NALF1: variants seen among roughly 807,000 people sequenced by gnomAD.
NALF1 encodes family with sequence similarity 155 member A.
In NALF1, 3 loss-of-function variants were observed where a neutral mutation model predicts 48.4. The ratio of observed to expected loss-of-function variants is 0.06; its 90% CI spans 0.03 to 0.16. The LOEUF (loss-of-function observed/expected upper bound fraction) is 0.16. NALF1 is among the 10% of genes least tolerant of loss of function. NALF1 has a pLI of 1.00. For missense variants in NALF1, 526 were observed against 571.5 expected (o/e 0.92, Z 0.81); for synonymous variants, 262 against 245.7 (o/e 1.07, Z -0.62).
At chr13:107,171,157 G>A (rs528519508) in intron 2 of NALF1, among the ~76,000 whole-genome samples, 78 of 152,268 alleles carry the variant, frequency 5.1e-4, no homozygotes, top group African/African-American at 1.5e-3. Context: ...GATGCACTGC[G>A]TAAACTGACA....
At chr13:107,171,409 G>C (rs1291433030) in intron 2 of NALF1, among the ~76,000 whole-genome samples, 1 of 152,144 alleles carries the variant, frequency 6.6e-6, no homozygotes, top group African/African-American at 2.4e-5. Context: ...CTCAGTTGAG[G>C]CTTCATTATC....
intron 1 of NALF1, among the ~76,000 whole-genome samples, chr13:107,405,843 T>G (rs2096880015): frequency 6.6e-6 from 1 of 152,026 alleles, no homozygotes; most frequent in South Asian, 2.1e-4. Flanking sequence ...AATACACCAG[T>G]AGATTAAAGC....
Position 107,867,013 on chromosome 13 carries a change from C to T in NALF1, c.-417G>A, listed in dbSNP as rs1352197349. ...GGTGGCTGGCGCGGCTCCGGTCACC[C>T]AGGCATTGTCAGCGCGCGGGTCCCC... On this transcript the variant is annotated 5_prime_UTR_variant, in exon 1 of 3. Coordinates refer to ENST00000375915, the MANE Select transcript of NALF1 (RefSeq NM_001080396.3). The surrounding 1 kb of genome is among the most constrained non-coding windows in gnomAD (Gnocchi z 4.4). Among the ~76,000 whole-genome samples, 1 of 151,810 alleles carries T rather than the reference C, an allele frequency of 6.6e-6. No individual in the cohort carries two copies. Among genetic ancestry groups the T allele is most frequent in the East Asian group, 2.0e-4 (1 of 5,082 alleles).
intron 1 of NALF1, among the ~76,000 whole-genome samples, chr13:107,813,776 A>G (rs552954561): frequency 3.3e-4 from 50 of 152,282 alleles, no homozygotes; most frequent in Admixed American, 2.4e-3. Flanking sequence ...CAGACCTTCC[A>G]TATACATGAA....
chr13:107,831,713 G>A (rs1879736849), intron 1 of NALF1, among the ~76,000 whole-genome samples: 1 of 152,156 alleles, frequency 6.6e-6, no homozygotes, highest in South Asian at 2.1e-4. Context: ...TTTAAGCTTT[G>A]GAAAGAGTAT....
intron 1 of NALF1, among the ~76,000 whole-genome samples, chr13:107,507,457 A>G (rs571169052): frequency 1.3e-5 from 2 of 152,000 alleles, no homozygotes; most frequent in South Asian, 2.1e-4. Flanking sequence ...GTTAAATGAG[A>G]AACAAGCAAT....
At chr13:107,254,969 T>C (rs1042639765) in intron 1 of NALF1, among the ~76,000 whole-genome samples, 2 of 152,236 alleles carry the variant, frequency 1.3e-5, no homozygotes, top group African/African-American at 4.8e-5. Context: ...CAAAGATGTT[T>C]ATTTTTTAAA....
chr13:107,864,084 T>C (rs1324210573), intron 1 of NALF1, among the ~76,000 whole-genome samples: 1 of 152,206 alleles, frequency 6.6e-6, no homozygotes, highest in Non-Finnish European at 1.5e-5. Context: ...CAATGCAACA[T>C]ATCTTGTCAA....
intron 1 of NALF1, among the ~76,000 whole-genome samples, chr13:107,752,668 G>A (rs540370496): frequency 1.3e-5 from 2 of 152,186 alleles, no homozygotes; most frequent in Admixed American, 1.3e-4. Context: ...CCTTCTGAAG[G>A]TCAATCTAGT....
At chr13:107,423,973 T>C (rs1884236195) in intron 1 of NALF1, among the ~76,000 whole-genome samples, 5 of 152,148 alleles carry the variant, frequency 3.3e-5, no homozygotes, top group Admixed American at 3.3e-4. Context: ...TGTGTTTCAG[T>C]AGTCCTCTAC....
intron 1 of NALF1, among the ~76,000 whole-genome samples, chr13:107,620,864 T>C (rs1879500541): frequency 1.3e-5 from 2 of 152,216 alleles, no homozygotes; most frequent in Non-Finnish European, 2.9e-5. Flanking sequence ...GGCTTCTCCT[T>C]ATCCCAGTTG....
At chr13:107,177,911 A>G (rs1312543975) in intron 2 of NALF1, among the ~76,000 whole-genome samples, 2 of 152,128 alleles carry the variant, frequency 1.3e-5, no homozygotes, top group Non-Finnish European at 2.9e-5. Context: ...TTAGCTGTGC[A>G]TGGTGGCAAG....
intron 1 of NALF1, among the ~76,000 whole-genome samples, chr13:107,556,294 T>TACAC (rs1465290140): frequency 1.3e-4 from 13 of 97,538 alleles, no homozygotes; most frequent in African/African-American, 3.8e-4. Flanking sequence ...TATATATATA[T>TACAC]ATACACACAC....
Position 107,790,317 on chromosome 13 carries a change from A to C in NALF1, c.915+75365T>G, listed in dbSNP as rs1566482769. Among the ~76,000 whole-genome samples, 6 of 152,360 alleles carry C rather than the reference A, an allele frequency of 3.9e-5. 1 individual carries two copies. The South Asian group carries it at 1.2e-3, about 32-fold the overall frequency. ...AGTGGAATAATACAGTACAAAGAAT[A>C]TGTCAAAATTAACTCTTAAATAGGC... On this transcript the variant is annotated intron_variant, in intron 1 of 2. Transcript: ENST00000375915.
chr13:107,177,869 G>C (rs932427204), intron 2 of NALF1, among the ~76,000 whole-genome samples: 1 of 152,166 alleles, frequency 6.6e-6, no homozygotes, highest in South Asian at 2.1e-4. Context: ...GGCCAACATG[G>C]TGAAACCTCA....
chr13:107,326,444 A>G (rs917237923), intron 1 of NALF1, among the ~76,000 whole-genome samples: 6 of 152,148 alleles, frequency 3.9e-5, no homozygotes, highest in African/African-American at 1.2e-4. Flanking sequence ...AAGACATTGT[A>G]ATAAGTGAAT....
At chr13:107,445,804 A>T (rs1884639592) in intron 1 of NALF1, among the ~76,000 whole-genome samples, 1 of 152,158 alleles carries the variant, frequency 6.6e-6, no homozygotes. Context: ...CACAGTTTGC[A>T]TTCCCAAATG....
At chr13:107,288,604 T>A (rs1881552088) in intron 1 of NALF1, among the ~76,000 whole-genome samples, 2 of 149,406 alleles carry the variant, frequency 1.3e-5, no homozygotes, top group Non-Finnish European at 3.0e-5. Context: ...CGATCTCTGC[T>A]CCCTGCAACC....
intron 1 of NALF1, among the ~76,000 whole-genome samples, chr13:107,436,686 C>T (rs1214508139): frequency 6.6e-6 from 1 of 152,124 alleles, no homozygotes; most frequent in Non-Finnish European, 1.5e-5. Context: ...AGGATGTCCA[C>T]TTTCATCACT....
Sources: allele counts gnomAD v4.1 joint callset (sites outside exome capture counted in the v4.1 genomes callset), GRCh38; gene constraint gnomAD v4.1.1; non-coding constraint Gnocchi (gnomAD v3.1); transcripts MANE v1.5; gene names NCBI Gene and HGNC (gene_info 2026-07-23, HGNC 2026-07-21).